APC: variants seen among roughly 807,000 people sequenced by gnomAD.
APC encodes APC regulator of Wnt signaling pathway, also known as adenomatous polyposis coli protein.
In APC, 72 loss-of-function variants were observed where a neutral mutation model predicts 247.0. The observed-to-expected ratio is 0.29, with a 90% CI of 0.24 to 0.35. APC has a LOEUF of 0.35. Among genes scored for constraint, APC ranks in the 10% least tolerant of loss-of-function variants. APC has a pLI of 1.00. For missense variants in APC, 3,400 were observed against 3,360.7 expected (o/e 1.01, Z -0.29); for synonymous variants, 1,254 against 1,162.5 (o/e 1.08, Z -1.60).
In APC at chr5:112,838,481, A is replaced by G. The variant is rs1765288888; in HGVS notation, c.2887A>G (p.Ser963Gly). Residue 963 changes from serine to glycine, a missense_variant, in exon 16 of 16, where the codon AGT becomes GGT. Ser to Gly is a moderately conservative substitution (Grantham distance 56). Coordinates refer to ENST00000257430, the MANE Select transcript of APC (RefSeq NM_000038.6). ...KLEYKRSSND[S>G]LNSVSSSDGY... ...AGAATACAAGAGATCTTCAAATGAT[A>G]GTTTAAATAGTGTCAGTAGTAGTGA... 1 of 1,614,114 alleles carries G rather than the reference A, an allele frequency of 6.2e-7. No individual in the cohort carries two copies. The highest frequency in any genetic ancestry group is 1.3e-5 in the African/African-American group (1 of 74,950).
At chr5:112,756,293 C>G (rs139589317) in intron 2 of APC, among the ~76,000 whole-genome samples, 1 of 152,338 alleles carries the variant, frequency 6.6e-6, no homozygotes, top group East Asian at 1.9e-4. Context: ...TGTGGTAAAA[C>G]TGTCCCCAGC....
chr5:112,728,223 G>A (rs1162609539), intron 1 of APC, among the ~76,000 whole-genome samples: 1 of 152,074 alleles, frequency 6.6e-6, no homozygotes, highest in East Asian at 1.9e-4. Context: ...CACCTCCTGG[G>A]TTCAAGCGAT....
At chr5:112,822,825 C>T (rs553468780) in intron 11 of APC, among the ~76,000 whole-genome samples, 1 of 152,314 alleles carries the variant, frequency 6.6e-6, no homozygotes, top group African/African-American at 2.4e-5. Context: ...TTCCTATCCC[C>T]TCATCGTTTC....
chr5:112,726,343 G>A (rs1238051205), intron 1 of APC, among the ~76,000 whole-genome samples: 1 of 152,186 alleles, frequency 6.6e-6, no homozygotes, highest in Non-Finnish European at 1.5e-5. Context: ...TGGATGGGGA[G>A]CTGGAAGGGG....
At chr5:112,828,129 G>A in intron 13 of APC, 123 bp downstream of exon 13, 1 of 805,788 alleles carries the variant, frequency 1.2e-6, no homozygotes, top group Non-Finnish European at 2.1e-6. Flanking sequence ...TCTGCCTCCA[G>A]GGTTCAAGCA....
intron 2 of APC, among the ~76,000 whole-genome samples, chr5:112,765,007 A>G (rs1756113622): frequency 6.6e-6 from 1 of 152,206 alleles, no homozygotes; most frequent in Non-Finnish European, 1.5e-5. Context: ...CCCCACATCT[A>G]CTTACCAAAG....
At chr5:112,735,603 G>A (rs905019363), upstream of APC, among the ~76,000 whole-genome samples, 8 of 151,738 alleles carry the variant, frequency 5.3e-5, no homozygotes, top group Non-Finnish European at 8.8e-5. Flanking sequence ...GATAAGACAA[G>A]GTAATGCTTC....
rs2149934182 is a variant in APC at position 112,840,781 on chromosome 5, T to C, written c.5187T>C (p.Asn1729=). ...EEGDILAECI[N]SAMPKGKSHK... ...GTGATATTCTTGCAGAATGCATTAA[T>C]TCTGCTATGCCCAAAGGGAAAAGTC... The change falls in exon 16 of 16, where the codon AAT becomes AAC. Residue 1729 remains asparagine, a synonymous_variant. Transcript: ENST00000257430. This position sits in a 1 kb window ranked among gnomAD's most constrained non-coding sequence, Gnocchi z 4.1. The C allele has an allele frequency of 1.2e-6, 2 of 1,614,038 alleles. No homozygotes were observed. The highest frequency in any genetic ancestry group is 1.7e-6 in the Non-Finnish European group (2 of 1,179,898).
In APC at chr5:112,754,841, A is replaced by G. The variant is rs781648097; in HGVS notation, c.-18-32A>G. 14 of 1,608,818 alleles carry G rather than the reference A, an allele frequency of 8.7e-6. No individual in the cohort carries two copies. The African/African-American group carries it at 1.5e-4, about 17-fold the overall frequency. The stretch of plus-strand genomic sequence containing the variant: ...ACAAGCAGCCACTAAATTTTTTAGT[A>G]GTGAATTTCAAAATCCTTTTTAACC... On this transcript the variant is annotated intron_variant, in intron 1 of 15. Coordinates refer to ENST00000257430, the MANE Select transcript of APC (RefSeq NM_000038.6).
intron 3 of APC, 29 bp downstream of exon 3, chr5:112,766,439 A>AT (rs1228436423): frequency 1.1e-5 from 17 of 1,492,276 alleles, no homozygotes; most frequent in Non-Finnish European, 1.6e-5. Context: ...TTTTAAAATA[A>AT]TTTTTTAAGC....
Position 112,839,398 on chromosome 5 carries a change from A to G in APC, c.3804A>G (p.Pro1268=), listed in dbSNP as rs878853442. ...TIQTYCVEDT[P]ICFSRCSSLS... is the part of the protein sequence containing the mutation. ...AGACTTATTGTGTAGAAGATACTCC[A>G]ATATGTTTTTCAAGATGTAGTTCAT... Residue 1268 remains proline, a synonymous_variant, in exon 16 of 16, where the codon CCA becomes CCG. Transcript: ENST00000257430. The surrounding 1 kb of genome is among the most constrained non-coding windows in gnomAD (Gnocchi z 5.0). 9 of 1,614,064 alleles carry G rather than the reference A, an allele frequency of 5.6e-6. 1 individual carries two copies. Among genetic ancestry groups the G allele is most frequent in the African/African-American group, 2.7e-5 (2 of 74,930 alleles).
At chr5:112,737,868 C>T, upstream of APC, 1 of 985,696 alleles carries the variant, frequency 1.0e-6, no homozygotes, top group Non-Finnish European at 1.2e-6. Context: ...TGTATTGGTG[C>T]AGCCCGCCAG....
intron 1 of APC, among the ~76,000 whole-genome samples, chr5:112,750,236 T>C (rs1754182849): frequency 6.6e-6 from 1 of 152,204 alleles, no homozygotes; most frequent in Non-Finnish European, 1.5e-5. Flanking sequence ...GTGCTGGGAT[T>C]ACAAGCATGA....
intron 9 of APC, among the ~76,000 whole-genome samples, chr5:112,818,701 C>CA (rs1762765300): frequency 1.3e-5 from 2 of 152,020 alleles, no homozygotes; most frequent in African/African-American, 2.4e-5. Context: ...AGTGAGTATG[C>CA]AAAAACCTAC....
chr5:112,801,266 T>G lies in APC; in HGVS notation c.730-13T>G. On this transcript the variant is annotated splice_polypyrimidine_tract_variant and intron_variant, in intron 7 of 15. Transcript: ENST00000257430. ...CATTTTTGCATGTACTGATGTTAAC[T>G]CCATCTTAACAGAGGTCATCTCAGA... is the stretch of plus-strand genomic sequence containing the variant. 6.2e-7 allele frequency: 1 copy of G among 1,608,352 alleles called. No individual in the cohort carries two copies. Among genetic ancestry groups the G allele is most frequent in the Non-Finnish European group, 8.5e-7 (1 of 1,175,394 alleles).
chr5:112,838,556 G>C lies in APC; in HGVS notation c.2962G>C (p.Glu988Gln), dbSNP rs1765305230. The change falls in exon 16 of 16, where the codon GAA (glutamate) becomes CAA (glutamine). Residue 988 changes from glutamate to glutamine, a missense_variant. By Grantham distance (29) the Glu-to-Gln change is conservative. This residue lies in a region of APC where 715 missense variants were observed against 656.6 expected (regional missense o/e 1.09). Transcript: ENST00000257430. ...GAAACCCTCGATTGAATCCTATTCTGAAGATGATGAAAGTAAGTTTTGCAG... is the reference window on the plus strand; with the variant it reads ...GAAACCCTCGATTGAATCCTATTCTCAAGATGATGAAAGTAAGTTTTGCAG... ...QMKPSIESYS[E>Q]DDESKFCSYG... 6.2e-7 allele frequency: 1 copy of C among 1,614,200 alleles called. No homozygotes were observed.
chr5:112,837,708 G>A lies in APC; in HGVS notation c.2114G>A (p.Ser705Asn), dbSNP rs752874220. The change falls in exon 16 of 16, where the codon AGC becomes AAC. Residue 705 changes from serine (S) to asparagine (N), a missense_variant. Physicochemically the swap from Ser to Asn is conservative, Grantham distance 46. Coordinates refer to ENST00000257430, the MANE Select transcript of APC (RefSeq NM_000038.6). Reference sequence around the variant, plus strand: ...GCATTATGGGACATGGGGGCAGTTAGCATGCTCAAGAACCTCATTCATTCA... The same window carrying A: ...GCATTATGGGACATGGGGGCAGTTAACATGCTCAAGAACCTCATTCATTCA... The part of the protein sequence containing the change: ...QEALWDMGAV[S>N]MLKNLIHSKH... The A allele has an allele frequency of 3.7e-6, 6 of 1,614,182 alleles. No homozygotes were observed. The highest frequency in any genetic ancestry group is 3.3e-5 in the South Asian group (3 of 91,084).
Position 112,737,969 on chromosome 5 carries a change from G to C in APC, c.-19+44G>C, listed in dbSNP as rs916223232. The C allele has an allele frequency of 4.5e-5, 44 of 979,074 alleles. No homozygotes were observed. The East Asian group carries it at 6.8e-4, about 15-fold the overall frequency. The allele number at this position is 979,074 out of a possible 1,614,324, so 60.6% of individuals were successfully genotyped here. Reference sequence around the variant, plus strand: ...ATGGCCAGGCTTGCTGCGGGGGGAGGGGGGAAGGTGGTTTTCCCTCGCACT... The same window carrying C: ...ATGGCCAGGCTTGCTGCGGGGGGAGCGGGGAAGGTGGTTTTCCCTCGCACT... On this transcript the variant is annotated intron_variant, in intron 1 of 15. Coordinates refer to ENST00000257430, the MANE Select transcript of APC (RefSeq NM_000038.6).
intron 1 of APC, among the ~76,000 whole-genome samples, chr5:112,721,338 C>T (rs536868660): frequency 1.3e-5 from 2 of 152,116 alleles, no homozygotes; most frequent in Admixed American, 6.6e-5. Context: ...CACTTGAACC[C>T]GGAAGACGGA....
Sources: gnomAD v4.1 joint callset for allele counts (sites outside exome capture counted in the v4.1 genomes callset) on GRCh38, gnomAD v4.1.1 for gene constraint, gnomAD v4.1.1 regional missense constraint, Gnocchi (gnomAD v3.1) non-coding constraint, MANE v1.5 for transcripts, NCBI Gene and HGNC (gene_info 2026-07-23, HGNC 2026-07-21) for gene names.